TRPC4: variants seen among roughly 807,000 people sequenced by gnomAD.
The protein encoded by TRPC4 is transient receptor potential cation channel subfamily C member 4, also known as short transient receptor potential channel 4.
In TRPC4, 49 loss-of-function variants were observed where a neutral mutation model predicts 99.4. The ratio of observed to expected loss-of-function variants is 0.49; its 90% CI spans 0.39 to 0.63. The LOEUF (loss-of-function observed/expected upper bound fraction) is 0.63. Among genes scored for constraint, TRPC4 ranks in the 20% least tolerant of loss-of-function variants. The pLI, the probability that TRPC4 is intolerant of heterozygous loss-of-function variation, is 0.00. For synonymous variants in TRPC4, 454 were observed against 425.9 expected, an observed-to-expected ratio of 1.07 and a Z score of -0.81; for missense variants, 898 against 1,152.9, an observed-to-expected ratio of 0.78 and a Z score of 3.20.
intron 2 of TRPC4, among the ~76,000 whole-genome samples, chr13:37,756,279 G>GGATGT (rs1200483485): frequency 8.7e-6 from 1 of 114,716 alleles, no homozygotes. Context: ...TGAATGGATG[G>GGATGT]ATGGATGAAT....
intron 1 of TRPC4, among the ~76,000 whole-genome samples, chr13:37,843,943 T>C (rs1341118892): frequency 3.9e-5 from 6 of 152,162 alleles, no homozygotes; most frequent in Non-Finnish European, 8.8e-5. Context: ...TCCTTGATTG[T>C]GCCACCCCTC....
At chr13:37,656,700 G>A (rs890922784) in intron 6 of TRPC4, among the ~76,000 whole-genome samples, 1 of 152,194 alleles carries the variant, frequency 6.6e-6, no homozygotes, top group Non-Finnish European at 1.5e-5. Context: ...TTATGATGTG[G>A]AGTCAGAGTC....
chr13:37,737,226 GTAATAATAATAATAA>G (rs141469952), intron 3 of TRPC4, among the ~76,000 whole-genome samples: 3 of 148,322 alleles, frequency 2.0e-5, no homozygotes, highest in Non-Finnish European at 4.5e-5. Flanking sequence ...ACAAAAAATA[GTAATAATAATAATAA>G]TAATAATAAT....
At chr13:37,745,459 T>TATATATATATATATATATGC (rs1955724169) in intron 3 of TRPC4, among the ~76,000 whole-genome samples, 23 of 86,834 alleles carry the variant, frequency 2.6e-4, no homozygotes, top group Non-Finnish European at 1.5e-4. Flanking sequence ...TATATATATA[T>TATATATATATATATATATGC]ATATATATAT....
chr13:37,686,771 T>C (rs1953496178), intron 4 of TRPC4, among the ~76,000 whole-genome samples: 2 of 152,130 alleles, frequency 1.3e-5, no homozygotes. Context: ...CCTCCTCCTA[T>C]GTTACATCTT....
chr13:37,791,794 A>C (rs921031778), intron 1 of TRPC4, among the ~76,000 whole-genome samples: 4 of 152,184 alleles, frequency 2.6e-5, no homozygotes, highest in African/African-American at 9.7e-5. Flanking sequence ...ATGAGAAATG[A>C]TAAAATGCTA....
chr13:37,738,074 C>T (rs1955456767), intron 3 of TRPC4, among the ~76,000 whole-genome samples: 1 of 152,128 alleles, frequency 6.6e-6, no homozygotes, highest in Non-Finnish European at 1.5e-5. Context: ...TCTACTCCTC[C>T]ATTTTAAATA....
At chr13:37,720,650 C>T (rs1043899026) in intron 3 of TRPC4, among the ~76,000 whole-genome samples, 1 of 151,822 alleles carries the variant, frequency 6.6e-6, no homozygotes, top group African/African-American at 2.4e-5. Context: ...ACAGATACAC[C>T]TAAATATTGG....
chr13:37,643,106 T>G (rs1951775292), intron 8 of TRPC4, among the ~76,000 whole-genome samples: 1 of 152,200 alleles, frequency 6.6e-6, no homozygotes, highest in Non-Finnish European at 1.5e-5. Flanking sequence ...GCCTCCTATC[T>G]GAGTCCTGGG....
chr13:37,812,175 T>TAAAAAAAAAAAA (rs1957707997), intron 1 of TRPC4, among the ~76,000 whole-genome samples: 1 of 5,202 alleles, frequency 1.9e-4, no homozygotes, highest in Admixed American at 2.0e-3. Flanking sequence ...TGAGACTCTA[T>TAAAAAAAAAAAA]CAAAAAAAAA....
chr13:37,746,471 G>T lies in TRPC4; in HGVS notation c.379-16C>A. The T allele has an allele frequency of 6.4e-7, 1 of 1,559,314 alleles. No homozygotes were observed. The highest frequency in any genetic ancestry group is 8.6e-7 in the Non-Finnish European group (1 of 1,156,784). On this transcript the variant is annotated splice_polypyrimidine_tract_variant and intron_variant, in intron 2 of 10. Coordinates refer to ENST00000379705, the MANE Select transcript of TRPC4 (RefSeq NM_016179.4). ...TAGGAGGCACCTAAAAAAAAAAAAG[G>T]CAGAGGTGATGAATATTTATTCTTT...
chr13:37,676,707 T>G (rs1176624969), intron 4 of TRPC4, among the ~76,000 whole-genome samples: 1 of 151,964 alleles, frequency 6.6e-6, no homozygotes, highest in Non-Finnish European at 1.5e-5. Context: ...AGAAAAAGAA[T>G]AAGAGTTAAC....
chr13:37,861,031 T>C (rs1162469041), intron 1 of TRPC4, among the ~76,000 whole-genome samples: 1 of 151,560 alleles, frequency 6.6e-6, no homozygotes, highest in African/African-American at 2.4e-5. Context: ...ACATTAAATA[T>C]TTGACAATAA....
chr13:37,666,299 C>A (rs1368022571), intron 5 of TRPC4, among the ~76,000 whole-genome samples: 1 of 152,142 alleles, frequency 6.6e-6, no homozygotes. Context: ...TGGTACAAAC[C>A]CCTGTATACA....
chr13:37,694,847 T>A (rs569374255), intron 3 of TRPC4, among the ~76,000 whole-genome samples: 1 of 152,272 alleles, frequency 6.6e-6, no homozygotes, highest in African/African-American at 2.4e-5. Context: ...ATGTATTTGA[T>A]CCAATCATAG....
intron 4 of TRPC4, among the ~76,000 whole-genome samples, chr13:37,682,712 A>G (rs1194504347): frequency 6.6e-6 from 1 of 152,114 alleles, no homozygotes; most frequent in Non-Finnish European, 1.5e-5. Flanking sequence ...CGAGAGAGCC[A>G]TGAGGTCAGG....
At chr13:37,832,207 ATTG>A (rs1160612687) in intron 1 of TRPC4, among the ~76,000 whole-genome samples, 43 of 152,272 alleles carry the variant, frequency 2.8e-4, no homozygotes, top group South Asian at 2.3e-3. Flanking sequence ...ATGACACGAT[ATTG>A]TTGTTTTTAA....
rs550424119 is a variant in TRPC4, at chr13:37,827,797, C to T, written c.-28+41798G>A. ...GGCCTCCTTGAGCTGTGGTGGGCTC[C>T]ACCCAGTTCCAGCTTCCCAGCTGCT... is the stretch of plus-strand genomic sequence containing the variant. On this transcript the variant is annotated intron_variant, in intron 1 of 10. Coordinates refer to ENST00000379705, the MANE Select transcript of TRPC4 (RefSeq NM_016179.4). Among the ~76,000 whole-genome samples, 6 of 152,364 alleles carry T rather than the reference C, an allele frequency of 3.9e-5. No individual in the cohort carries two copies. In the South Asian group the frequency reaches 1.2e-3, roughly 32 times the overall value.
intron 1 of TRPC4, among the ~76,000 whole-genome samples, chr13:37,829,620 T>C (rs2139586173): frequency 6.6e-6 from 1 of 152,320 alleles, no homozygotes; most frequent in South Asian, 2.1e-4. Context: ...AATTACCACA[T>C]GACCCAGCAA....
Sources: allele counts gnomAD v4.1 joint callset (sites outside exome capture counted in the v4.1 genomes callset), GRCh38; gene constraint gnomAD v4.1.1; transcripts MANE v1.5; gene names NCBI Gene and HGNC (gene_info 2026-07-23, HGNC 2026-07-21).